The following DGKB variants were observed in gnomAD, a reference collection of about 807,000 sequenced individuals.
The protein encoded by DGKB is 90 kDa diacylglycerol kinase.
A neutral mutation model predicts 114.3 loss-of-function variants in DGKB; 67 were observed. The ratio of observed to expected loss-of-function variants is 0.59; its 90% CI spans 0.48 to 0.72. The LOEUF is 0.72. Ranked by LOEUF, DGKB falls within the 30% of genes least tolerant of loss-of-function variation. The pLI, the probability that DGKB is intolerant of heterozygous loss-of-function variation, is 0.00. For missense variants in DGKB, 907 were observed against 975.2 expected, an observed-to-expected ratio of 0.93 and a Z score of 0.93; for synonymous variants, 398 against 323.1, an observed-to-expected ratio of 1.23 and a Z score of -2.49.
intron 20 of DGKB, among the ~76,000 whole-genome samples, chr7:14,521,337 G>C (rs915944072): frequency 6.6e-6 from 1 of 152,082 alleles, no homozygotes; most frequent in Non-Finnish European, 1.5e-5. Context: ...AAATGGTGCT[G>C]GAATAACTGG....
chr7:14,168,333 T>C (rs576943883), intron 25 of DGKB, among the ~76,000 whole-genome samples: 9 of 152,306 alleles, frequency 5.9e-5, no homozygotes, highest in African/African-American at 2.2e-4. Flanking sequence ...CATAAAGTGC[T>C]TAACACACGT....
chr7:14,899,597 C>G (rs1388225806), intron 1 of DGKB, among the ~76,000 whole-genome samples: 1 of 152,086 alleles, frequency 6.6e-6, no homozygotes, highest in African/African-American at 2.4e-5. Flanking sequence ...TTTCTCCTCT[C>G]ATATTAACTG....
chr7:14,656,097 T>C (rs1171813684), intron 13 of DGKB, among the ~76,000 whole-genome samples: 1 of 151,678 alleles, frequency 6.6e-6, no homozygotes, highest in African/African-American at 2.4e-5. Flanking sequence ...TCTGATTTAA[T>C]CACTGCATAT....
intron 23 of DGKB, among the ~76,000 whole-genome samples, chr7:14,234,380 T>A (rs1792429178): frequency 6.6e-6 from 1 of 152,080 alleles, no homozygotes; most frequent in African/African-American, 2.4e-5. Context: ...TGTATATTTA[T>A]GGTTCTTAAA....
At chr7:14,718,810 C>G in intron 5 of DGKB, 125 bp from the exon 6 acceptor site, 2 of 694,598 alleles carry the variant, frequency 2.9e-6, no homozygotes, top group Non-Finnish European at 4.7e-6. Context: ...ATAGAATAAC[C>G]AAATTCTCTG....
In DGKB at chr7:14,283,376, A is replaced by G. The variant is rs529202428; in HGVS notation, c.2122+55139T>C. ...AGGAACTAAAAGAGGATACACACAAATGGAAGAACATTCCATGCTCATGGG... is the reference window on the plus strand; with the variant it reads ...AGGAACTAAAAGAGGATACACACAAGTGGAAGAACATTCCATGCTCATGGG... On this transcript the variant is annotated intron_variant, in intron 23 of 25. Coordinates refer to ENST00000402815, the MANE Select transcript of DGKB (RefSeq NM_001350709.2). Among the ~76,000 whole-genome samples the G allele has an allele frequency of 8.6e-5, 13 of 151,654 alleles. No individual in the cohort carries two copies. The South Asian group carries it at 2.7e-3, about 31-fold the overall frequency.
chr7:14,899,597 C>T (rs1388225806), intron 1 of DGKB, among the ~76,000 whole-genome samples: 2 of 152,086 alleles, frequency 1.3e-5, no homozygotes, highest in Non-Finnish European at 2.9e-5. Flanking sequence ...TTTCTCCTCT[C>T]ATATTAACTG....
chr7:14,276,072 T>G (rs756961193), intron 23 of DGKB, among the ~76,000 whole-genome samples: 2 of 152,162 alleles, frequency 1.3e-5, no homozygotes, highest in Non-Finnish European at 2.9e-5. Flanking sequence ...ATTCAAAAAT[T>G]AGATGGTACA....
Position 14,493,961 on chromosome 7 carries a change from CAT to C in DGKB, c.1771-15738_1771-15737del, listed in dbSNP as rs1437795746. On this transcript the variant is annotated intron_variant, in intron 20 of 25. Coordinates refer to ENST00000402815, the MANE Select transcript of DGKB (RefSeq NM_001350709.2). ...ACACACACACACACACACACACACACATCTATGTACACATCATAGCAATTAAA... is the reference window on the plus strand; with the variant it reads ...ACACACACACACACACACACACACACCTATGTACACATCATAGCAATTAAA... 9.7e-3 allele frequency among the ~76,000 whole-genome samples: 1,381 copies of C among 142,128 alleles called. 12 individuals carry two copies. The highest frequency in any genetic ancestry group is 0.032 in the South Asian group (136 of 4,248). The allele number at this position is 142,128 out of a possible 152,430, so 93.2% of individuals were successfully genotyped here. A position where few individuals can be genotyped will look rare whatever the true frequency, so the allele number is the denominator to read the frequency against.
At position 14,841,245 on chromosome 7, in the gene DGKB, A is replaced by G. The variant is rs1847894177; in HGVS notation, c.19T>C (p.Trp7Arg). 2 of 1,613,228 alleles carry G rather than the reference A, an allele frequency of 1.2e-6. No individual in the cohort carries two copies. The highest frequency in any genetic ancestry group is 1.1e-5 in the South Asian group (1 of 90,952). MTNQEK[W>R]AHLSPSEFSQ... ...AATTCCGAAGGGCTGAGGTGGGCCC[A>G]TTTTTCCTGGTTTGTCATGGTGGTG... Residue 7 changes from tryptophan to arginine, a missense_variant, in exon 2 of 26, where the codon TGG becomes CGG. By Grantham distance (101) the Trp-to-Arg change is moderately radical (BLOSUM62 -3). Around this residue, in one of 3 missense-constraint regions of DGKB, gnomAD observed 814 missense variants for 856.6 expected, o/e 0.95. Transcript: ENST00000402815.
chr7:14,945,559 C>G (rs2128257089), intron 1 of DGKB, among the ~76,000 whole-genome samples: 1 of 151,842 alleles, frequency 6.6e-6, no homozygotes, highest in Middle Eastern at 3.4e-3. Flanking sequence ...TTAATGTTAG[C>G]AACTGTAGTA....
At chr7:14,652,913 A>T (rs6972442) in intron 13 of DGKB, among the ~76,000 whole-genome samples, 1 of 152,100 alleles carries the variant, frequency 6.6e-6, no homozygotes, top group African/African-American at 2.4e-5. Context: ...AATGCTCATC[A>T]TCACTGGCCA....
At chr7:14,341,370 T>C (rs1246246869) in intron 22 of DGKB, among the ~76,000 whole-genome samples, 1 of 151,852 alleles carries the variant, frequency 6.6e-6, no homozygotes, top group African/African-American at 2.4e-5. Context: ...GTTGAGTGCA[T>C]GAAAGTAAAA....
chr7:14,932,601 A>C (rs892928052), intron 1 of DGKB, among the ~76,000 whole-genome samples: 1 of 152,202 alleles, frequency 6.6e-6, no homozygotes, highest in African/African-American at 2.4e-5. Flanking sequence ...AATGCTTTCC[A>C]TATCAGGTAA....
rs577435444 is a variant in DGKB, at chr7:14,457,526, G to T, written c.1835+20635C>A. ...AACTGAATTACTTATAAATAAAAAA[G>T]ATTTTTTTAAAGACTGATCTCAGTT... On this transcript the variant is annotated intron_variant, in intron 21 of 25. Coordinates refer to ENST00000402815, the MANE Select transcript of DGKB (RefSeq NM_001350709.2). Among the ~76,000 whole-genome samples, 10 of 152,212 alleles carry T rather than the reference G, an allele frequency of 6.6e-5. No homozygotes were observed. The East Asian group carries it at 1.9e-3, about 29-fold the overall frequency.
chr7:14,895,335 C>T (rs547673461), intron 1 of DGKB, among the ~76,000 whole-genome samples: 20 of 151,532 alleles, frequency 1.3e-4, no homozygotes, highest in African/African-American at 4.6e-4. Context: ...TACTCACTGC[C>T]ACCTGTTATA....
chr7:14,209,473 C>G (rs1427696144), intron 23 of DGKB: 5 of 482,624 alleles, frequency 1.0e-5, no homozygotes, highest in South Asian at 3.1e-5. Flanking sequence ...GAGTAATGAT[C>G]TTGTCTCCTT....
At chr7:14,505,836 T>C (rs1786955264) in intron 20 of DGKB, among the ~76,000 whole-genome samples, 1 of 152,228 alleles carries the variant, frequency 6.6e-6, no homozygotes, top group Non-Finnish European at 1.5e-5. Flanking sequence ...CTTTCCTTGA[T>C]CTACAGGACA....
At chr7:14,169,688 T>C (rs536819987) in intron 25 of DGKB, among the ~76,000 whole-genome samples, 1 of 152,256 alleles carries the variant, frequency 6.6e-6, no homozygotes, top group East Asian at 1.9e-4. Context: ...ATAGCTGTGT[T>C]GGTCAGTAGT....
Sources: gnomAD v4.1 joint callset for allele counts (sites outside exome capture counted in the v4.1 genomes callset) on GRCh38, gnomAD v4.1.1 for gene constraint, gnomAD v4.1.1 regional missense constraint, MANE v1.5 for transcripts, NCBI Gene and HGNC (gene_info 2026-07-23, HGNC 2026-07-21) for gene names.